Variants in MGAT4C observed in about 807,000 individuals in gnomAD.
MGAT4C encodes MGAT4 family member C.
A neutral mutation model predicts 40.1 loss-of-function variants in MGAT4C; 19 were observed. The ratio of observed to expected loss-of-function variants is 0.47; its 90% CI spans 0.33 to 0.70. MGAT4C has a LOEUF of 0.70. Among genes scored for constraint, MGAT4C ranks in the 30% least tolerant of loss-of-function variants. The probability of loss-of-function intolerance (pLI) is 0.02; values close to 1 mark genes in which losing one functional copy is unlikely to be tolerated. For missense variants in MGAT4C, 491 were observed against 563.2 expected (o/e 0.87, Z 1.30); for synonymous variants, 181 against 187.1 (o/e 0.97, Z 0.27).
chr12:86,616,456 A>G (rs1463865974), intron 2 of MGAT4C, among the ~76,000 whole-genome samples: 1 of 152,160 alleles, frequency 6.6e-6, no homozygotes, highest in Admixed American at 6.5e-5. Context: ...TAAGAATGAG[A>G]GCAAGAAGAA....
intron 2 of MGAT4C, among the ~76,000 whole-genome samples, chr12:86,034,975 T>C (rs1463636535): frequency 6.7e-6 from 1 of 150,078 alleles, no homozygotes; most frequent in East Asian, 1.9e-4. Context: ...ATCTAGTCTA[T>C]CACTGATGGG....
chr12:86,488,389 C>T (rs373468490), intron 2 of MGAT4C, among the ~76,000 whole-genome samples: 4 of 150,648 alleles, frequency 2.7e-5, no homozygotes, highest in African/African-American at 4.9e-5. Context: ...ACCATGGCAT[C>T]GTACTCCAGC....
At chr12:86,531,605 T>C (rs997696870) in intron 2 of MGAT4C, among the ~76,000 whole-genome samples, 1 of 151,952 alleles carries the variant, frequency 6.6e-6, no homozygotes, top group Non-Finnish European at 1.5e-5. Context: ...TTGAAGCCAC[T>C]TTTTTTCAGA....
intron 1 of MGAT4C, among the ~76,000 whole-genome samples, chr12:86,117,428 A>C (rs1281882042): frequency 6.6e-6 from 1 of 152,172 alleles, no homozygotes; most frequent in Non-Finnish European, 1.5e-5. Flanking sequence ...AGCTGCTCTT[A>C]ATACACCACT....
intron 2 of MGAT4C, among the ~76,000 whole-genome samples, chr12:86,594,555 G>C (rs1204415466): frequency 6.6e-6 from 1 of 152,102 alleles, no homozygotes; most frequent in African/African-American, 2.4e-5. Context: ...TAAATTCTAA[G>C]AAAAACTGCT....
chr12:86,559,594 C>G (rs1959770077), intron 2 of MGAT4C, among the ~76,000 whole-genome samples: 1 of 151,476 alleles, frequency 6.6e-6, no homozygotes, highest in African/African-American at 2.4e-5. Flanking sequence ...AAACCAAAAC[C>G]AAAACAAATA....
chr12:86,239,129 A>G (rs552033082), intron 1 of MGAT4C, among the ~76,000 whole-genome samples: 5 of 152,184 alleles, frequency 3.3e-5, no homozygotes, highest in Admixed American at 1.3e-4. Context: ...TAGCAACTGC[A>G]TTATTAAAAC....
chr12:86,751,373 C>T (rs1433364069), intron 1 of MGAT4C, among the ~76,000 whole-genome samples: 8 of 151,890 alleles, frequency 5.3e-5, no homozygotes, highest in African/African-American at 7.2e-5. Flanking sequence ...GTACTTTTAA[C>T]GAACATTAAC....
intron 2 of MGAT4C, among the ~76,000 whole-genome samples, chr12:86,639,584 A>T (rs1963318267): frequency 6.6e-6 from 1 of 151,746 alleles, no homozygotes; most frequent in South Asian, 2.1e-4. Flanking sequence ...AATATTAAAA[A>T]GTGTCTAAGT....
Position 86,806,600 on chromosome 12 carries a change from T to C in MGAT4C, c.-262+32066A>G, listed in dbSNP as rs149125280. Among the ~76,000 whole-genome samples, 1,273 of 152,134 alleles carry C rather than the reference T, an allele frequency of 8.4e-3. 5 individuals are homozygous for C. Among genetic ancestry groups the C allele is most frequent in the Non-Finnish European group, 0.014 (981 of 67,980 alleles). On this transcript the variant is annotated intron_variant, in intron 1 of 7. Transcript: ENST00000548651. ...ACCTTTCTATTACCACGCCCATCTC[T>C]TCCTGACAATTCTCTGCCACTGATC...
intron 2 of MGAT4C, among the ~76,000 whole-genome samples, chr12:86,446,664 T>C (rs1406870755): frequency 1.2e-5 from 1 of 80,364 alleles, no homozygotes; most frequent in Non-Finnish European, 2.5e-5. Context: ...AACTCATATA[T>C]ATATATATAT....
intron 3 of MGAT4C, among the ~76,000 whole-genome samples, chr12:86,387,022 C>T (rs777707083): frequency 6.6e-6 from 1 of 152,010 alleles, no homozygotes; most frequent in Non-Finnish European, 1.5e-5. Flanking sequence ...ATATGTATTC[C>T]TTATTTTCTA....
chr12:86,084,750 G>A (rs960272970), intron 1 of MGAT4C, among the ~76,000 whole-genome samples: 3 of 151,822 alleles, frequency 2.0e-5, no homozygotes, highest in Admixed American at 6.6e-5. Context: ...AGGAAAAGAG[G>A]CCTGAGCAAA....
intron 1 of MGAT4C, among the ~76,000 whole-genome samples, chr12:86,240,173 CACAT>C (rs1202206003): frequency 1.3e-5 from 2 of 148,640 alleles, no homozygotes; most frequent in African/African-American, 5.2e-5. Context: ...CACACACACA[CACAT>C]ACACACACAT....
chr12:86,721,194 T>C (rs538437122), intron 2 of MGAT4C, among the ~76,000 whole-genome samples: 1 of 152,230 alleles, frequency 6.6e-6, no homozygotes, highest in African/African-American at 2.4e-5. Flanking sequence ...CGTGCAAGAA[T>C]GTGATGCACC....
At chr12:86,451,461 C>T (rs1291582804) in intron 2 of MGAT4C, among the ~76,000 whole-genome samples, 2 of 152,042 alleles carry the variant, frequency 1.3e-5, no homozygotes, top group African/African-American at 2.4e-5. Flanking sequence ...GCATTATGCC[C>T]TTCCTTTAAG....
chr12:86,748,005 AC>A (rs1302337705), intron 1 of MGAT4C, among the ~76,000 whole-genome samples: 2 of 151,636 alleles, frequency 1.3e-5, no homozygotes, highest in African/African-American at 4.8e-5. Context: ...TAGCATCAAT[AC>A]TAAATTTATA....
chr12:86,526,244 C>T (rs557704370), intron 2 of MGAT4C, among the ~76,000 whole-genome samples: 21 of 152,058 alleles, frequency 1.4e-4, no homozygotes, highest in South Asian at 1.0e-3. Context: ...CAGGGTTGGC[C>T]GGCTCTGTGC....
chr12:86,362,333 G>A (rs1487030694), intron 3 of MGAT4C, among the ~76,000 whole-genome samples: 1 of 152,100 alleles, frequency 6.6e-6, no homozygotes, highest in Non-Finnish European at 1.5e-5. Flanking sequence ...ATTGGGGCCT[G>A]GCATGGGGTG....
Sources: gnomAD v4.1 joint callset for allele counts (sites outside exome capture counted in the v4.1 genomes callset) on GRCh38, gnomAD v4.1.1 for gene constraint, MANE v1.5 for transcripts, NCBI Gene and HGNC (gene_info 2026-07-23, HGNC 2026-07-21) for gene names.